The following HNRNPA3 variants were observed in gnomAD, a reference collection of about 807,000 sequenced individuals.
HNRNPA3 encodes the protein heterogeneous nuclear ribonucleoprotein A3.
In HNRNPA3, 3 loss-of-function variants were observed where a neutral mutation model predicts 45.8. That is an observed-to-expected ratio of 0.07 (90% CI 0.03 to 0.17). The LOEUF (loss-of-function observed/expected upper bound fraction) is 0.17. Among genes scored for constraint, HNRNPA3 ranks in the 10% least tolerant of loss-of-function variants. HNRNPA3 has a pLI of 1.00. For missense variants in HNRNPA3, 183 were observed against 480.3 expected, an observed-to-expected ratio of 0.38 and a Z score of 5.79; for synonymous variants, 170 against 155.6, an observed-to-expected ratio of 1.09 and a Z score of -0.69.
chr2:177,216,484 T>G lies in HNRNPA3; in HGVS notation c.554-19T>G. ...ACATAAAATAACTTTTTGTTTTGTT[T>G]GATTGAAAAAAAATTTAGTTCAGAA... is the stretch of plus-strand genomic sequence containing the variant. On this transcript the variant is annotated intron_variant, in intron 4 of 10. Coordinates refer to ENST00000392524, the Ensembl canonical transcript of HNRNPA3. The G allele has an allele frequency of 6.3e-7, 1 of 1,587,848 alleles. No individual in the cohort carries two copies. Among genetic ancestry groups the G allele is most frequent in the Non-Finnish European group, 8.6e-7 (1 of 1,158,620 alleles).
intron 8 of HNRNPA3, among the ~76,000 whole-genome samples, chr2:177,218,822 T>C (rs1395017668): frequency 1.3e-5 from 2 of 152,204 alleles, no homozygotes. Flanking sequence ...ATGGTGTTAA[T>C]GGTAGAGAGA....
intron 1 of HNRNPA3, among the ~76,000 whole-genome samples, 170 bp downstream of exon 1, chr2:177,213,041 G>C (rs1688749104): frequency 6.6e-6 from 1 of 152,134 alleles, no homozygotes; most frequent in Non-Finnish European, 1.5e-5. Flanking sequence ...GGGGCCCCTC[G>C]CCCGCCTCGC....
intron 1 of HNRNPA3, among the ~76,000 whole-genome samples, chr2:177,213,120 CCGGCCTGCCGGCTGCG>C (rs1178989396): frequency 2.6e-5 from 4 of 151,612 alleles, no homozygotes; most frequent in South Asian, 2.1e-4. Flanking sequence ...GGGAGGGAAG[CCGGCCTGCCGGCTGCG>C]CGGCCTCCGA....
downstream of HNRNPA3, chr2:177,223,556 T>G (rs1369501818): frequency 1.3e-5 from 2 of 152,180 alleles, no homozygotes; most frequent in Non-Finnish European, 2.9e-5. Context: ...ATTTGTTAAG[T>G]AACTAATTGA....
At chr2:177,217,349 C>G (rs1270463942) in intron 7 of HNRNPA3, among the ~76,000 whole-genome samples, 13 of 152,204 alleles carry the variant, frequency 8.5e-5, no homozygotes, top group Admixed American at 8.5e-4. Context: ...TTGCCAGTGG[C>G]TTAAATGTAA....
At chr2:177,216,690 T>C (rs1162967043) in exon 6 of HNRNPA3, 2 of 1,614,204 alleles carry the variant, frequency 1.2e-6, no homozygotes, top group Non-Finnish European at 8.5e-7. Flanking sequence ...TGGAGGTGGA[T>C]CTGGCAATTT....
chr2:177,223,223 G>GT (rs555227212), downstream of HNRNPA3: 5 of 152,218 alleles, frequency 3.3e-5, no homozygotes, highest in African/African-American at 9.6e-5. Flanking sequence ...GTTGAATAAG[G>GT]TAACAGCCTT....
At chr2:177,214,223 G>T (rs184506096) in intron 1 of HNRNPA3, among the ~76,000 whole-genome samples, 3 of 152,272 alleles carry the variant, frequency 2.0e-5, no homozygotes, top group African/African-American at 7.2e-5. Flanking sequence ...GCTGTACTCC[G>T]TTCTTATAGT....
intron 8 of HNRNPA3, among the ~76,000 whole-genome samples, 196 bp downstream of exon 8, chr2:177,218,041 C>A (rs1468061151): frequency 7.2e-6 from 1 of 138,798 alleles, no homozygotes; most frequent in African/African-American, 2.8e-5. Flanking sequence ...ATGTACTCAG[C>A]TCTCTTTTTT....
At chr2:177,217,078 G>A in intron 7 of HNRNPA3, 138 bp downstream of exon 7, 1 of 915,508 alleles carries the variant, frequency 1.1e-6, no homozygotes, top group East Asian at 2.9e-5. Flanking sequence ...GTACATGGAA[G>A]AACAGGAACC....
chr2:177,217,734 A>T, exon 8 of HNRNPA3: 1 of 1,612,950 alleles, frequency 6.2e-7, no homozygotes, highest in Non-Finnish European at 8.5e-7. Flanking sequence ...TCCTGGTTAT[A>T]GTAGTAGAGG....
chr2:177,221,475 C>A (rs538782318), downstream of HNRNPA3: 2 of 152,678 alleles, frequency 1.3e-5, no homozygotes, highest in South Asian at 4.1e-4. Flanking sequence ...AACCAACTTT[C>A]TATGTTCTGG....
chr2:177,214,678 C>T (rs577815943), intron 1 of HNRNPA3, among the ~76,000 whole-genome samples: 1 of 152,152 alleles, frequency 6.6e-6, no homozygotes, highest in African/African-American at 2.4e-5. Flanking sequence ...GCCCGTAGTC[C>T]CAGCTACTCG....
Position 177,219,396 on chromosome 2 carries a change from A to G in HNRNPA3, c.*16-12A>G, listed in dbSNP as rs1452692179. 4.8e-6 allele frequency: 5 copies of G among 1,036,248 alleles called. No individual in the cohort carries two copies. The highest frequency in any genetic ancestry group is 2.3e-5 in the Admixed American group (1 of 43,180). The allele number at this position is 1,036,248 out of a possible 1,614,324, so 64.2% of individuals were successfully genotyped here. On this transcript the variant is annotated splice_polypyrimidine_tract_variant and intron_variant, in intron 10 of 10. Coordinates refer to ENST00000392524, the Ensembl canonical transcript of HNRNPA3. ...GAGTGTAATAATTTTTTTATCCTGT[A>G]TTATTCAACAGGCTACAGTTCTTAG...
chr2:177,214,337 G>T (rs1176835525), intron 1 of HNRNPA3, among the ~76,000 whole-genome samples: 1 of 152,076 alleles, frequency 6.6e-6, no homozygotes, highest in Non-Finnish European at 1.5e-5. Flanking sequence ...TAACAAACAT[G>T]GGTTATAGAA....
intron 8 of HNRNPA3, 45 bp downstream of exon 8, chr2:177,217,890 G>C: frequency 6.7e-7 from 1 of 1,483,320 alleles, no homozygotes; most frequent in African/African-American, 1.4e-5. Flanking sequence ...ATTCAGTGTT[G>C]CTAACAGTTC....
intron 5 of HNRNPA3, 22 bp from the exon 6 acceptor site, chr2:177,216,654 A>G (rs1688951027): frequency 6.2e-7 from 1 of 1,613,848 alleles, no homozygotes; most frequent in Non-Finnish European, 8.5e-7. Flanking sequence ...GTTCTTAAAA[A>G]TCTCCCTTGC....
At chr2:177,222,292 TAGTTTTAA>T (rs914173513), downstream of HNRNPA3, 13 of 152,284 alleles carry the variant, frequency 8.5e-5, no homozygotes, top group African/African-American at 3.1e-4. Flanking sequence ...TTTTAAACCT[TAGTTTTAA>T]AAATTCCCCT....
intron 8 of HNRNPA3, among the ~76,000 whole-genome samples, chr2:177,218,626 C>T (rs1293497391): frequency 6.6e-6 from 1 of 152,162 alleles, no homozygotes; most frequent in Non-Finnish European, 1.5e-5. Flanking sequence ...TTTAAGCAAG[C>T]TAGTGTATGT....
Sources: allele counts gnomAD v4.1 joint callset (sites outside exome capture counted in the v4.1 genomes callset), GRCh38; gene constraint gnomAD v4.1.1; transcripts MANE v1.5; gene names NCBI Gene and HGNC (gene_info 2026-07-23, HGNC 2026-07-21).